SOX13: variants seen among roughly 807,000 people sequenced by gnomAD.
SOX13 encodes the protein transcription factor SOX-13.
In SOX13, 28 loss-of-function variants were observed where a neutral mutation model predicts 71.8. That is an observed-to-expected ratio of 0.39 (90% CI 0.29 to 0.53). SOX13 has a LOEUF of 0.53. Ranked by LOEUF, SOX13 falls within the 20% of genes least tolerant of loss-of-function variation. The pLI, the probability that SOX13 is intolerant of heterozygous loss-of-function variation, is 0.70. For synonymous variants in SOX13, 309 were observed against 317.8 expected (o/e 0.97, Z 0.29); for missense variants, 627 against 810.3 (o/e 0.77, Z 2.75).
intron 13 of SOX13, 132 bp downstream of exon 13, chr1:204,124,989 G>GT (rs1656891508): frequency 2.9e-6 from 2 of 680,106 alleles, no homozygotes; most frequent in East Asian, 5.4e-5. Flanking sequence ...GTACGTGTGT[G>GT]TGTTATCTGT....
At chr1:204,100,495 G>A (rs1656338642) in intron 1 of SOX13, among the ~76,000 whole-genome samples, 1 of 152,098 alleles carries the variant, frequency 6.6e-6, no homozygotes. Flanking sequence ...TGTTTGATGA[G>A]CATTATAGTA....
intron 1 of SOX13, among the ~76,000 whole-genome samples, chr1:204,089,403 C>T (rs1420598728): frequency 6.6e-6 from 1 of 152,186 alleles, no homozygotes; most frequent in Non-Finnish European, 1.5e-5. Flanking sequence ...ACTCTCATGC[C>T]CGCCGGCCTC....
rs779207975 is a variant in SOX13 at position 204,123,668 on chromosome 1, C to T, written c.1239C>T (p.Arg413=). The T allele has an allele frequency of 6.2e-7, 1 of 1,613,714 alleles. No individual in the cohort carries two copies. The highest frequency in any genetic ancestry group is 1.1e-5 in the South Asian group (1 of 91,058). The part of the protein sequence containing the change: ...AMLSCDMDGS[R]HFPESRNSSH... ...TTCACTCCTGTCTCCCAGGCTCCCGCCACTTCCCCGAGTCCCGAAACAGCA... is the reference window on the plus strand; with the variant it reads ...TTCACTCCTGTCTCCCAGGCTCCCGTCACTTCCCCGAGTCCCGAAACAGCA... The change falls in exon 12 of 14, where the codon CGC becomes CGT. Residue 413 remains arginine (R), a synonymous_variant. Transcript: ENST00000367204. This position sits in a 1 kb window ranked among gnomAD's most constrained non-coding sequence, Gnocchi z 5.0.
At chr1:204,074,635 G>A (rs989174896) in intron 1 of SOX13, among the ~76,000 whole-genome samples, 1 of 152,258 alleles carries the variant, frequency 6.6e-6, no homozygotes, top group African/African-American at 2.4e-5. Context: ...CTTCAGGCTG[G>A]AGGCGCTCCA....
At position 204,081,232 on chromosome 1, in the gene SOX13, T is replaced by A. The variant is rs1558209331; in HGVS notation, c.-2+7521T>A. Among the ~76,000 whole-genome samples, 1 of 152,014 alleles carries A rather than the reference T, an allele frequency of 6.6e-6. No homozygotes were observed. On this transcript the variant is annotated intron_variant, in intron 1 of 13. Transcript: ENST00000367204. The surrounding 1 kb of genome is among the most constrained non-coding windows in gnomAD (Gnocchi z 4.3). The stretch of plus-strand genomic sequence containing the variant: ...CCAGCCATGACTTCTTTCTTTTTTT[T>A]AAAGATCGTGGCTCATATTCGTTTT...
chr1:204,115,298 C>G (rs1656665440), intron 4 of SOX13, among the ~76,000 whole-genome samples: 1 of 151,706 alleles, frequency 6.6e-6, no homozygotes, highest in African/African-American at 2.4e-5. Context: ...ATGAGCCACC[C>G]ACTGCACCCA....
chr1:204,116,707 T>C (rs1174029874), intron 5 of SOX13, 28 bp downstream of exon 5: 1 of 1,609,710 alleles, frequency 6.2e-7, no homozygotes, highest in Non-Finnish European at 8.5e-7. Context: ...GGTGTAGCTT[T>C]CTTTCCAGGA....
rs1417903373 is a variant in SOX13 at position 204,081,339 on chromosome 1, A to C, written c.-2+7628A>C. 6.6e-6 allele frequency among the ~76,000 whole-genome samples: 1 copy of C among 152,258 alleles called. No individual in the cohort carries two copies. Among genetic ancestry groups the C allele is most frequent in the Non-Finnish European group, 1.5e-5 (1 of 68,048 alleles). ...GATGAAAAGGATTTAAAATAAATCTAATATTTCCAGATAGTGAAACAGAAA... is the reference window on the plus strand; with the variant it reads ...GATGAAAAGGATTTAAAATAAATCTCATATTTCCAGATAGTGAAACAGAAA... On this transcript the variant is annotated intron_variant, in intron 1 of 13. Transcript: ENST00000367204. The surrounding 1 kb of genome is among the most constrained non-coding windows in gnomAD (Gnocchi z 4.3).
At chr1:204,087,412 C>G (rs1227589248) in intron 1 of SOX13, among the ~76,000 whole-genome samples, 1 of 152,230 alleles carries the variant, frequency 6.6e-6, no homozygotes. Context: ...CAGGACCTTC[C>G]TGTAGCTTCC....
chr1:204,081,891 T>A lies in SOX13; in HGVS notation c.-2+8180T>A, dbSNP rs1655914512. On this transcript the variant is annotated intron_variant, in intron 1 of 13. Coordinates refer to ENST00000367204, the MANE Select transcript of SOX13 (RefSeq NM_005686.3). The surrounding 1 kb of genome is among the most constrained non-coding windows in gnomAD (Gnocchi z 4.3). ...GGTAGGGTGGGGAAAGAAGGGGGAA[T>A]AAAATGTAGTGGGGAGGGGTGGAAG... 6.6e-6 allele frequency among the ~76,000 whole-genome samples: 1 copy of A among 151,520 alleles called. No homozygotes were observed. The highest frequency in any genetic ancestry group is 2.4e-5 in the African/African-American group (1 of 41,184).
At chr1:204,102,856 T>C (rs954327004) in intron 1 of SOX13, among the ~76,000 whole-genome samples, 3 of 152,150 alleles carry the variant, frequency 2.0e-5, no homozygotes, top group Non-Finnish European at 4.4e-5. Context: ...TGGTATATAA[T>C]AGAGCCAGTC....
chr1:204,078,374 A>G (rs1299279025), intron 1 of SOX13, among the ~76,000 whole-genome samples: 2 of 152,134 alleles, frequency 1.3e-5, no homozygotes, highest in Non-Finnish European at 2.9e-5. Flanking sequence ...CAGGAAGCTG[A>G]CACCACCGGA....
chr1:204,097,001 C>A (rs1303534011), intron 1 of SOX13, among the ~76,000 whole-genome samples: 4 of 152,122 alleles, frequency 2.6e-5, no homozygotes, highest in Non-Finnish European at 1.5e-5. Context: ...ATTGCAGAGC[C>A]CCTTGGGCCC....
intron 1 of SOX13, among the ~76,000 whole-genome samples, chr1:204,091,275 C>T (rs972194516): frequency 6.6e-6 from 1 of 152,192 alleles, no homozygotes; most frequent in Non-Finnish European, 1.5e-5. Context: ...CCATGCTGCT[C>T]ACGGCTTTGG....
intron 2 of SOX13, 147 bp from the exon 3 acceptor site, chr1:204,114,174 G>A: frequency 1.7e-6 from 1 of 580,818 alleles, no homozygotes; most frequent in Non-Finnish European, 3.1e-6. Context: ...TTGGGCAGGT[G>A]GAGGCCAAAG....
intron 1 of SOX13, among the ~76,000 whole-genome samples, chr1:204,095,365 C>T (rs1292947805): frequency 3.9e-5 from 6 of 152,128 alleles, no homozygotes; most frequent in African/African-American, 1.2e-4. Context: ...CTCTGGGTTG[C>T]GCATGGAAGC....
chr1:204,105,531 G>C (rs1210839225), intron 1 of SOX13, among the ~76,000 whole-genome samples: 1 of 151,776 alleles, frequency 6.6e-6, no homozygotes, highest in African/African-American at 2.4e-5. Context: ...TCAGCCTCCT[G>C]AGTAGCTGGG....
At chr1:204,116,042 C>T in intron 4 of SOX13, 1 of 571,148 alleles carries the variant, frequency 1.8e-6, no homozygotes, top group Non-Finnish European at 2.6e-6. Flanking sequence ...ATTTTGAAAA[C>T]CCTAAAGTGC....
chr1:204,081,533 TG>T lies in SOX13; in HGVS notation c.-2+7827del, dbSNP rs1439020660. ...CGGACCCCCTGGCGGGCTCTGGGGG[TG>T]GGGGTTGGGGGGTTGCCTGGGACTC... On this transcript the variant is annotated intron_variant, in intron 1 of 13. Coordinates refer to ENST00000367204, the MANE Select transcript of SOX13 (RefSeq NM_005686.3). The surrounding 1 kb of genome is among the most constrained non-coding windows in gnomAD (Gnocchi z 4.3). Among the ~76,000 whole-genome samples, 1 of 150,168 alleles carries T rather than the reference TG, an allele frequency of 6.7e-6. No homozygotes were observed. The highest frequency in any genetic ancestry group is 2.5e-5 in the African/African-American group (1 of 40,772).
Sources: allele counts gnomAD v4.1 joint callset (sites outside exome capture counted in the v4.1 genomes callset), GRCh38; gene constraint gnomAD v4.1.1; non-coding constraint Gnocchi (gnomAD v3.1); transcripts MANE v1.5; gene names NCBI Gene and HGNC (gene_info 2026-07-23, HGNC 2026-07-21).